AP1B1: variants seen among roughly 807,000 people sequenced by gnomAD.
AP1B1 encodes AP-1 complex subunit beta-1.
In AP1B1, 36 loss-of-function variants were observed where a neutral mutation model predicts 104.3. The observed-to-expected ratio is 0.35, with a 90% confidence interval of 0.26 to 0.46. The LOEUF (loss-of-function observed/expected upper bound fraction) is 0.46, where lower values mean the gene tolerates loss of function less well. AP1B1 is among the 20% of genes least tolerant of loss of function. The probability of loss-of-function intolerance (pLI) is 1.00; values close to 1 mark genes in which losing one functional copy is unlikely to be tolerated. For synonymous variants in AP1B1, 504 were observed against 517.5 expected, an observed-to-expected ratio of 0.97 and a Z score of 0.35; for missense variants, 901 against 1,247.9, an observed-to-expected ratio of 0.72 and a Z score of 4.19.
At chr22:29,374,642 T>C (rs917314839) in intron 1 of AP1B1, among the ~76,000 whole-genome samples, 1 of 152,164 alleles carries the variant, frequency 6.6e-6, no homozygotes, top group Non-Finnish European at 1.5e-5. Flanking sequence ...GGAGCTGACA[T>C]AGGTAAATAG....
intron 16 of AP1B1, among the ~76,000 whole-genome samples, chr22:29,338,303 G>A (rs1376768148): frequency 6.6e-6 from 1 of 152,204 alleles, no homozygotes; most frequent in Non-Finnish European, 1.5e-5. Flanking sequence ...CTGGGAGTCA[G>A]TGACCACTTC....
intron 17 of AP1B1, among the ~76,000 whole-genome samples, chr22:29,334,021 C>A (rs529607835): frequency 6.6e-6 from 1 of 152,186 alleles, no homozygotes; most frequent in East Asian, 1.9e-4. Flanking sequence ...GCCGAGATGG[C>A]GCTGCTGCAC....
In AP1B1 at chr22:29,349,261, A is replaced by G; in HGVS notation, c.1394T>C (p.Leu465Pro). ...GAAGCCCTCGAGGAAGCTCTCCAGC[A>G]GCTCATCTGCGTTGTCGATCCGTTC... is the stretch of plus-strand genomic sequence containing the variant. Reference protein sequence around the residue: ...YAERIDNADELLESFLEGFHD... With the variant: ...YAERIDNADEPLESFLEGFHD... Residue 465 changes from leucine (L) to proline (P), a missense_variant, in exon 11 of 23, where the codon CTG becomes CCG. Around this residue, in one of 3 missense-constraint regions of AP1B1, gnomAD observed 471 missense variants for 696.7 expected, o/e 0.68. Coordinates refer to ENST00000357586, the MANE Select transcript of AP1B1 (RefSeq NM_001127.4). 6.2e-7 allele frequency: 1 copy of G among 1,613,946 alleles called. No homozygotes were observed. The highest frequency in any genetic ancestry group is 8.5e-7 in the Non-Finnish European group (1 of 1,180,044).
intron 19 of AP1B1, among the ~76,000 whole-genome samples, 155 bp downstream of exon 19, chr22:29,331,294 A>C (rs1327596678): frequency 6.6e-6 from 1 of 151,690 alleles, no homozygotes. Flanking sequence ...TCCTGGGTAT[A>C]CCCCTCACTC....
chr22:29,362,168 G>A (rs2062058228), intron 3 of AP1B1, among the ~76,000 whole-genome samples: 1 of 151,938 alleles, frequency 6.6e-6, no homozygotes, highest in Admixed American at 6.6e-5. Flanking sequence ...GCCAAGGTGC[G>A]GCAGCCGCTC....
intron 3 of AP1B1, among the ~76,000 whole-genome samples, chr22:29,361,708 T>C (rs1418613639): frequency 2.0e-5 from 3 of 152,054 alleles, no homozygotes; most frequent in Non-Finnish European, 2.9e-5. Context: ...CATTTAGTGC[T>C]GGGTGATGGG....
intron 1 of AP1B1, among the ~76,000 whole-genome samples, chr22:29,387,021 T>A (rs1339683658): frequency 6.6e-6 from 1 of 152,206 alleles, no homozygotes; most frequent in Non-Finnish European, 1.5e-5. Flanking sequence ...GGTCATGTGG[T>A]TCCTCTCTTT....
chr22:29,346,795 G>T (rs558341728), intron 11 of AP1B1, among the ~76,000 whole-genome samples: 12 of 125,382 alleles, frequency 9.6e-5, no homozygotes, highest in Non-Finnish European at 1.5e-4. Flanking sequence ...AGGTGGCAGT[G>T]GGGGGGGGTG....
At chr22:29,331,600 T>C in intron 18 of AP1B1, 67 bp from the exon 19 acceptor site, 3 of 1,592,550 alleles carry the variant, frequency 1.9e-6, no homozygotes, top group South Asian at 1.1e-5. Context: ...CCAGGAAGAG[T>C]GTCACTGAGC....
chr22:29,349,995 C>G, intron 10 of AP1B1, 40 bp downstream of exon 10: 4 of 1,505,046 alleles, frequency 2.7e-6, no homozygotes, highest in Non-Finnish European at 3.7e-6. Context: ...TGTCCCCAGG[C>G]AGAGCTAGAT....
chr22:29,343,710 A>T (rs1261255737), intron 11 of AP1B1, among the ~76,000 whole-genome samples: 2 of 152,236 alleles, frequency 1.3e-5, no homozygotes, highest in Non-Finnish European at 2.9e-5. Flanking sequence ...ATCACTTCTC[A>T]GCTGACAGAC....
chr22:29,366,730 C>T (rs1237870138), intron 2 of AP1B1, among the ~76,000 whole-genome samples: 5 of 151,442 alleles, frequency 3.3e-5, no homozygotes, highest in East Asian at 3.9e-4. Flanking sequence ...ACTCGAGAGG[C>T]GGAGGTTGCA....
intron 1 of AP1B1, among the ~76,000 whole-genome samples, chr22:29,377,618 G>A (rs948228912): frequency 6.6e-6 from 1 of 151,976 alleles, no homozygotes; most frequent in Non-Finnish European, 1.5e-5. Context: ...AGACCAGCCT[G>A]GTCAACATAG....
chr22:29,340,154 A>C (rs943193455), intron 14 of AP1B1, among the ~76,000 whole-genome samples: 1 of 152,040 alleles, frequency 6.6e-6, no homozygotes, highest in Admixed American at 6.6e-5. Context: ...GGAGATACCC[A>C]AGTCAGTCTC....
intron 1 of AP1B1, among the ~76,000 whole-genome samples, chr22:29,378,063 G>A (rs1299507394): frequency 6.6e-6 from 1 of 152,070 alleles, no homozygotes; most frequent in African/African-American, 2.4e-5. Flanking sequence ...CATGCTCTAG[G>A]GTAAAGGGTA....
At chr22:29,329,231 T>G (rs2061521044) in intron 22 of AP1B1, 1 of 1,197,232 alleles carries the variant, frequency 8.4e-7, no homozygotes, top group Non-Finnish European at 1.0e-6. Context: ...TCCCTGAAGG[T>G]CTGGGGTCCT....
rs767009613 is a variant in AP1B1, at chr22:29,351,245, ACT to A, written c.1079_1080del (p.Glu360ValfsTer66). ...AAGTCCACATCCACTTCTGTTGCGT[ACT>A]CTTTCAGCTCTGCCAACACCTGTGG... The part of the protein sequence containing the change: ...NIAQVLAELK[E>X]YATEVDVDFV... On this transcript the variant is annotated frameshift_variant, in exon 9 of 23. Coordinates refer to ENST00000357586, the MANE Select transcript of AP1B1 (RefSeq NM_001127.4). LOFTEE classifies it high-confidence loss of function. 6.2e-7 allele frequency: 1 copy of A among 1,614,070 alleles called. No individual in the cohort carries two copies. The highest frequency in any genetic ancestry group is 8.5e-7 in the Non-Finnish European group (1 of 1,180,020).
intron 16 of AP1B1, among the ~76,000 whole-genome samples, chr22:29,334,822 G>A (rs73884715): frequency 0.013 from 2,054 of 152,304 alleles, 57 homozygotes; most frequent in African/African-American, 0.046. Flanking sequence ...CCTGGGCCTC[G>A]GCCAGAATCT....
Position 29,339,762 on chromosome 22 carries a change from G to A in AP1B1, c.2011C>T (p.Pro671Ser). Residue 671 changes from proline to serine, a missense_variant, in exon 15 of 23, where the codon CCT becomes TCT. Around this residue, in one of 3 missense-constraint regions of AP1B1, gnomAD observed 424 missense variants for 494.0 expected, o/e 0.86. Transcript: ENST00000357586. ...CAAGGGTTGAACCATACCCCTTCAG[G>A]CTCATCCCCCATCTCCAAGCAGAAG... ...GGLDSLMGDE[P>S]EGIGGTNFVA... The A allele has an allele frequency of 6.2e-7, 1 of 1,608,980 alleles. No homozygotes were observed. Among genetic ancestry groups the A allele is most frequent in the Non-Finnish European group, 8.5e-7 (1 of 1,177,880 alleles).
Sources: allele counts gnomAD v4.1 joint callset (sites outside exome capture counted in the v4.1 genomes callset), GRCh38; gene constraint gnomAD v4.1.1; regional missense constraint gnomAD v4.1.1; transcripts MANE v1.5; gene names NCBI Gene and HGNC (gene_info 2026-07-23, HGNC 2026-07-21).